CACNA2D1: variants seen among roughly 807,000 people sequenced by gnomAD.
CACNA2D1 encodes the protein voltage-dependent calcium channel subunit alpha-2/delta-1.
CACNA2D1 carries 53 observed loss-of-function variants against 171.5 expected under a neutral mutation model. That is an observed-to-expected ratio of 0.31 (90% CI 0.25 to 0.39). CACNA2D1 has a LOEUF of 0.39. CACNA2D1 is among the 10% of genes least tolerant of loss of function. The probability of loss-of-function intolerance (pLI) is 1.00; values close to 1 mark genes in which losing one functional copy is unlikely to be tolerated. For missense variants in CACNA2D1, 903 were observed against 1,299.8 expected (o/e 0.69, Z 4.69); for synonymous variants, 442 against 443.1 (o/e 1.00, Z 0.03).
chr7:82,026,669 C>G (rs997314493), intron 12 of CACNA2D1, among the ~76,000 whole-genome samples: 1 of 151,622 alleles, frequency 6.6e-6, no homozygotes, highest in Middle Eastern at 3.2e-3. Flanking sequence ...GGCTGCAGAT[C>G]GCTCACACAG....
intron 20 of CACNA2D1, among the ~76,000 whole-genome samples, chr7:81,993,887 T>C (rs993634562): frequency 1.3e-5 from 2 of 152,066 alleles, no homozygotes; most frequent in African/African-American, 4.8e-5. Context: ...CTTTGTAATC[T>C]GAGAAAAGAA....
intron 1 of CACNA2D1, among the ~76,000 whole-genome samples, chr7:82,413,661 T>C (rs1232962676): frequency 6.6e-6 from 1 of 152,164 alleles, no homozygotes; most frequent in Non-Finnish European, 1.5e-5. Context: ...TTAGGAAAAA[T>C]ATAAAGCTTT....
At chr7:82,265,417 T>TTTC in intron 3 of CACNA2D1, among the ~76,000 whole-genome samples, 1 of 18,724 alleles carries the variant, frequency 5.3e-5, no homozygotes, top group Non-Finnish European at 1.2e-4. Flanking sequence ...TTTTCCTTTC[T>TTTC]TTTTTTTTTT....
chr7:82,381,757 T>G (rs1242316061), intron 1 of CACNA2D1, among the ~76,000 whole-genome samples: 1 of 152,206 alleles, frequency 6.6e-6, no homozygotes, highest in Non-Finnish European at 1.5e-5. Flanking sequence ...ATCAGATTTA[T>G]TCCCTTCTTA....
intron 5 of CACNA2D1, among the ~76,000 whole-genome samples, chr7:82,132,928 T>C (rs980447656): frequency 1.3e-5 from 2 of 152,130 alleles, no homozygotes; most frequent in Non-Finnish European, 2.9e-5. Flanking sequence ...ATATAGTTCT[T>C]TACAAATTCT....
chr7:81,967,705 G>T, intron 29 of CACNA2D1, 42 bp from the exon 30 acceptor site: 1 of 891,756 alleles, frequency 1.1e-6, no homozygotes, highest in Non-Finnish European at 1.8e-6. Context: ...ATAATTAGAT[G>T]TAATACAACC....
At chr7:82,060,618 G>T in intron 9 of CACNA2D1, 91 bp from the exon 10 acceptor site, 1 of 712,620 alleles carries the variant, frequency 1.4e-6, no homozygotes. Flanking sequence ...ACTGACCCTA[G>T]ATCTTTTATA....
chr7:82,310,070 T>C (rs190444296), intron 3 of CACNA2D1, among the ~76,000 whole-genome samples: 14 of 152,190 alleles, frequency 9.2e-5, no homozygotes, highest in Admixed American at 4.6e-4. Context: ...TTATATGGTA[T>C]AGAAAAGCTA....
At chr7:82,388,884 G>C (rs1824746527) in intron 1 of CACNA2D1, among the ~76,000 whole-genome samples, 1 of 151,996 alleles carries the variant, frequency 6.6e-6, no homozygotes, top group Admixed American at 6.6e-5. Context: ...AGGAGGCCGA[G>C]GCTGGCGGAT....
intron 2 of CACNA2D1, among the ~76,000 whole-genome samples, chr7:82,336,595 G>T (rs1472414699): frequency 6.6e-6 from 1 of 152,068 alleles, no homozygotes; most frequent in East Asian, 1.9e-4. Flanking sequence ...CAGGAGTCCT[G>T]CATTTTACTG....
intron 12 of CACNA2D1, among the ~76,000 whole-genome samples, chr7:82,019,979 T>A (rs1050889067): frequency 1.3e-5 from 2 of 152,140 alleles, no homozygotes; most frequent in African/African-American, 4.8e-5. Context: ...TCTAATGTGG[T>A]TTCCATAATT....
chr7:82,025,675 C>G (rs150403759), intron 12 of CACNA2D1, among the ~76,000 whole-genome samples: 274 of 151,804 alleles, frequency 1.8e-3, no homozygotes, highest in African/African-American at 6.5e-3. Flanking sequence ...TGATTTCAAT[C>G]TGAATTTGTT....
intron 3 of CACNA2D1, among the ~76,000 whole-genome samples, chr7:82,276,255 A>G (rs1809308282): frequency 6.6e-6 from 1 of 152,220 alleles, no homozygotes. Context: ...GATATAAACT[A>G]TGTTGAAAGT....
At position 82,405,931 on chromosome 7, in the gene CACNA2D1, G is replaced by A. The variant is rs561292787; in HGVS notation, c.95+37434C>T. ...ATACTTTAAGTTCTAGGGTACCTGCGCACAACGTGCAGGTTTGTTACATAT... is the reference window on the plus strand; with the variant it reads ...ATACTTTAAGTTCTAGGGTACCTGCACACAACGTGCAGGTTTGTTACATAT... On this transcript the variant is annotated intron_variant, in intron 1 of 38. Coordinates refer to ENST00000356860, the MANE Select transcript of CACNA2D1 (RefSeq NM_000722.4). Among the ~76,000 whole-genome samples, 288 of 152,168 alleles carry A rather than the reference G, an allele frequency of 1.9e-3. 1 individual carries two copies. Among genetic ancestry groups the A allele is most frequent in the Non-Finnish European group, 3.4e-3 (232 of 68,010 alleles).
chr7:82,013,893 G>A (rs752881045), intron 13 of CACNA2D1, among the ~76,000 whole-genome samples: 5 of 151,568 alleles, frequency 3.3e-5, no homozygotes, highest in Admixed American at 1.3e-4. Flanking sequence ...TCTTTTTGTT[G>A]CCATGGTATC....
intron 38 of CACNA2D1, among the ~76,000 whole-genome samples, chr7:81,958,662 A>C (rs1267928212): frequency 4.6e-5 from 7 of 151,800 alleles, no homozygotes; most frequent in Non-Finnish European, 7.4e-5. Flanking sequence ...TAAGTGACAT[A>C]TATTAAATAT....
chr7:82,116,364 C>T (rs1789041869), intron 6 of CACNA2D1, among the ~76,000 whole-genome samples: 1 of 152,164 alleles, frequency 6.6e-6, no homozygotes, highest in South Asian at 2.1e-4. Flanking sequence ...AAAAACAACA[C>T]CTGCGCAAGC....
intron 8 of CACNA2D1, among the ~76,000 whole-genome samples, 192 bp from the exon 9 acceptor site, chr7:82,064,546 A>G (rs1291453507): frequency 6.6e-6 from 1 of 152,156 alleles, no homozygotes; most frequent in East Asian, 1.9e-4. Flanking sequence ...CCAATATAAC[A>G]ATAGAGATGT....
chr7:82,088,880 C>T (rs1307643897), intron 6 of CACNA2D1, among the ~76,000 whole-genome samples: 2 of 151,806 alleles, frequency 1.3e-5, no homozygotes, highest in African/African-American at 2.4e-5. Flanking sequence ...GACTCTGTTC[C>T]ACCTCAGATC....
Sources: allele counts gnomAD v4.1 joint callset (sites outside exome capture counted in the v4.1 genomes callset), GRCh38; gene constraint gnomAD v4.1.1; transcripts MANE v1.5; gene names NCBI Gene and HGNC (gene_info 2026-07-23, HGNC 2026-07-21).